The following UPF3A variants were observed in gnomAD, a reference collection of about 807,000 sequenced individuals.
UPF3A encodes regulator of nonsense transcripts 3A.
A neutral mutation model predicts 53.5 loss-of-function variants in UPF3A; 42 were observed. That is an observed-to-expected ratio of 0.78 (90% confidence interval 0.61 to 1.01). The LOEUF (loss-of-function observed/expected upper bound fraction) is 1.01, where lower values mean the gene tolerates loss of function less well. UPF3A is among the 50% of genes least tolerant of loss of function. The probability of loss-of-function intolerance (pLI) is 0.00; values close to 1 mark genes in which losing one functional copy is unlikely to be tolerated. For missense variants in UPF3A, 575 were observed against 598.0 expected, an observed-to-expected ratio of 0.96 and a Z score of 0.40; for synonymous variants, 237 against 225.3, an observed-to-expected ratio of 1.05 and a Z score of -0.47.
chr13:114,289,231 A>G (rs1427820756), intron 5 of UPF3A, among the ~76,000 whole-genome samples: 1 of 152,132 alleles, frequency 6.6e-6, no homozygotes, highest in Non-Finnish European at 1.5e-5. Flanking sequence ...CTATGTATGA[A>G]AAATTGAAAC....
rs557673652 is a variant in UPF3A, at chr13:114,302,318, A to G, written c.1302+293A>G. Among the ~76,000 whole-genome samples, 12 of 152,340 alleles carry G rather than the reference A, an allele frequency of 7.9e-5. 1 individual carries two copies. In the South Asian group the frequency reaches 2.5e-3, roughly 32 times the overall value. ...TATTAAATTTACCCTTGAGACAGGA[A>G]GGAAAGTTTTAATGATATTTCATGG... On this transcript the variant is annotated intron_variant, in intron 9 of 9. Transcript: ENST00000375299.
At chr13:114,298,007 C>A (rs1303761538) in intron 7 of UPF3A, among the ~76,000 whole-genome samples, 1 of 151,684 alleles carries the variant, frequency 6.6e-6, no homozygotes, top group African/African-American at 2.4e-5. Flanking sequence ...GACTCCATCT[C>A]AAAAAAGGAA....
intron 5 of UPF3A, among the ~76,000 whole-genome samples, chr13:114,291,081 T>G (rs967247993): frequency 6.6e-6 from 1 of 152,166 alleles, no homozygotes; most frequent in Admixed American, 6.5e-5. Context: ...GTATGTCTTA[T>G]CATTGGGATT....
Position 114,291,799 on chromosome 13 carries a change from C to G in UPF3A, c.846+7C>G. The G allele has an allele frequency of 6.4e-7, 1 of 1,573,486 alleles. No homozygotes were observed. Among genetic ancestry groups the G allele is most frequent in the Non-Finnish European group, 8.6e-7 (1 of 1,164,036 alleles). ...GAAAGAAGTAAGGATTAAGGTAATT[C>G]TGAGGAAACATTTCCTTTTTCCAAA... is the stretch of plus-strand genomic sequence containing the variant. On this transcript the variant is annotated splice_region_variant and intron_variant, in intron 7 of 9. Coordinates refer to ENST00000375299, the MANE Select transcript of UPF3A (RefSeq NM_023011.4).
intron 7 of UPF3A, among the ~76,000 whole-genome samples, chr13:114,295,677 T>C (rs1371211526): frequency 1.3e-5 from 2 of 152,238 alleles, no homozygotes; most frequent in African/African-American, 4.8e-5. Context: ...CTTTGTTTCC[T>C]TTTTCATATT....
At chr13:114,287,527 GT>G in intron 5 of UPF3A, 1 of 152,362 alleles carries the variant, frequency 6.6e-6, no homozygotes, top group Non-Finnish European at 1.5e-5. Context: ...GAAGGCGGAG[GT>G]TGCAGTGAGC....
chr13:114,294,884 G>A (rs1253148971), intron 7 of UPF3A, among the ~76,000 whole-genome samples: 21 of 150,202 alleles, frequency 1.4e-4, no homozygotes, highest in African/African-American at 4.9e-4. Context: ...AGGCCGAGGT[G>A]GGCGGATCAT....
At chr13:114,291,171 G>C (rs908836473) in intron 5 of UPF3A, among the ~76,000 whole-genome samples, 1 of 152,132 alleles carries the variant, frequency 6.6e-6, no homozygotes, top group African/African-American at 2.4e-5. Flanking sequence ...AAACGAAAAA[G>C]TTCTCAGAAT....
chr13:114,282,825 C>T lies in UPF3A; in HGVS notation c.315-12C>T, dbSNP rs187671817. 37 of 1,594,496 alleles carry T rather than the reference C, an allele frequency of 2.3e-5. 1 individual carries two copies. In the East Asian group the frequency reaches 7.8e-4, roughly 34 times the overall value. On this transcript the variant is annotated splice_polypyrimidine_tract_variant and intron_variant, in intron 2 of 9. Transcript: ENST00000375299. ...TTTCACTGACCATTTTCACTGTTAT[C>T]TCTTATTTCAGTCTTTATCCTCATC...
rs1386232236 is a variant in UPF3A at position 114,281,719 on chromosome 13, C to T, written c.80C>T (p.Ser27Leu). 3.2e-6 allele frequency: 5 copies of T among 1,551,906 alleles called. No individual in the cohort carries two copies. In the African/African-American group the frequency reaches 6.9e-5, roughly 21 times the overall value. Reference protein sequence around the residue: ...ARGPSGREKLSALEVQFHRDS... With the variant: ...ARGPSGREKLLALEVQFHRDS... Reference sequence around the variant, plus strand: ...GGCCCGAGCGGGAGGGAGAAGCTGTCGGCCCTAGAAGTGCAGTTCCACCGC... The same window carrying T: ...GGCCCGAGCGGGAGGGAGAAGCTGTTGGCCCTAGAAGTGCAGTTCCACCGC... The change falls in exon 1 of 10, where the codon TCG (serine) becomes TTG (leucine). Residue 27 changes from serine (S) to leucine (L), a missense_variant. Ser to Leu is a moderately radical substitution (Grantham distance 145). Transcript: ENST00000375299.
At chr13:114,293,071 C>CAA (rs1164617444) in intron 7 of UPF3A, among the ~76,000 whole-genome samples, 106 of 49,428 alleles carry the variant, frequency 2.1e-3, no homozygotes, top group East Asian at 1.0e-2. Flanking sequence ...GACTCCCTCT[C>CAA]AAAAAAAAAA....
At position 114,283,950 on chromosome 13, in the gene UPF3A, A is replaced by G. The variant is rs2084390646; in HGVS notation, c.421+1007A>G. 7.1e-6 allele frequency: 7 copies of G among 985,314 alleles called. No individual in the cohort carries two copies. In the South Asian group the frequency reaches 1.9e-4, roughly 26 times the overall value. The allele number at this position is 985,314 out of a possible 1,614,324, so 61.0% of individuals were successfully genotyped here. ...GGGGTAAGGACTAGAAAGATTGTTA[A>G]AAAAATAAGCATTAGCCAAGCTAGT... On this transcript the variant is annotated intron_variant, in intron 3 of 9. Transcript: ENST00000375299.
intron 7 of UPF3A, among the ~76,000 whole-genome samples, chr13:114,296,660 C>T (rs757653889): frequency 2.6e-5 from 4 of 152,098 alleles, no homozygotes; most frequent in African/African-American, 7.2e-5. Flanking sequence ...TCAGAAGTAC[C>T]GGTGACACAC....
At chr13:114,282,810 C>G (rs772909248) in intron 2 of UPF3A, 27 bp from the exon 3 acceptor site, 1 of 1,585,540 alleles carries the variant, frequency 6.3e-7, no homozygotes, top group Non-Finnish European at 8.6e-7. Context: ...TTTCACTGAC[C>G]ATTTTCACTG....
At chr13:114,286,106 T>G (rs1440820893) in intron 3 of UPF3A, 196 bp from the exon 4 acceptor site, 9 of 653,412 alleles carry the variant, frequency 1.4e-5, no homozygotes, top group Non-Finnish European at 1.7e-5. Context: ...AGGTTGCAGG[T>G]GCTTGAAAGT....
intron 3 of UPF3A, 90 bp from the exon 4 acceptor site, chr13:114,286,212 C>T: frequency 6.6e-7 from 1 of 1,523,776 alleles, no homozygotes. Context: ...CGTTGTTACA[C>T]TTACTCTTTA....
At chr13:114,282,286 A>C (rs1285872143) in intron 2 of UPF3A, 159 bp downstream of exon 2, 1 of 833,736 alleles carries the variant, frequency 1.2e-6, no homozygotes, top group Non-Finnish European at 1.8e-6. Context: ...CCGTTCCGTC[A>C]AAGAAAAATA....
chr13:114,286,202 C>T (rs990366758), intron 3 of UPF3A, 100 bp from the exon 4 acceptor site: 23 of 1,417,876 alleles, frequency 1.6e-5, no homozygotes, highest in East Asian at 4.6e-5. Flanking sequence ...AATGCATTGT[C>T]GTTGTTACAC....
chr13:114,296,381 CAAAAAAAAT>C (rs2086023551), intron 7 of UPF3A, among the ~76,000 whole-genome samples: 2 of 151,258 alleles, frequency 1.3e-5, no homozygotes, highest in African/African-American at 2.4e-5. Flanking sequence ...GACTCCATCT[CAAAAAAAAT>C]AAAAAAAATA....
Sources: allele counts gnomAD v4.1 joint callset (sites outside exome capture counted in the v4.1 genomes callset), GRCh38; gene constraint gnomAD v4.1.1; transcripts MANE v1.5; gene names NCBI Gene and HGNC (gene_info 2026-07-23, HGNC 2026-07-21).